Variants in ERBB4 observed in about 807,000 individuals in gnomAD.
ERBB4 encodes the protein receptor tyrosine-protein kinase erbB-4.
A neutral mutation model predicts 158.0 loss-of-function variants in ERBB4; 42 were observed. The ratio of observed to expected loss-of-function variants is 0.27; its 90% CI spans 0.21 to 0.34. ERBB4 has a LOEUF of 0.34. ERBB4 is among the 10% of genes least tolerant of loss of function. The pLI is 1.00. For missense variants in ERBB4, 1,333 were observed against 1,624.1 expected (o/e 0.82, Z 3.08); for synonymous variants, 583 against 558.7 (o/e 1.04, Z -0.61).
At chr2:211,575,740 T>C (rs1297705480) in intron 19 of ERBB4, among the ~76,000 whole-genome samples, 1 of 152,164 alleles carries the variant, frequency 6.6e-6, no homozygotes, top group Non-Finnish European at 1.5e-5. Flanking sequence ...TAATAAACTA[T>C]ATCAAACATA....
At chr2:212,198,731 CCCT>C (rs1559725011) in intron 1 of ERBB4, among the ~76,000 whole-genome samples, 1 of 124,564 alleles carries the variant, frequency 8.0e-6, no homozygotes, top group Admixed American at 8.0e-5. Context: ...TATCACCACG[CCCT>C]TTTTTTTTTT....
intron 1 of ERBB4, among the ~76,000 whole-genome samples, chr2:212,380,568 ATTTAT>A (rs2090470673): frequency 6.6e-6 from 1 of 150,800 alleles, no homozygotes; most frequent in Non-Finnish European, 1.5e-5. Flanking sequence ...AATGCAGCTC[ATTTAT>A]TTTAAGATAG....
intron 1 of ERBB4, among the ~76,000 whole-genome samples, chr2:212,240,624 C>T (rs1340349311): frequency 5.1e-5 from 4 of 78,486 alleles, no homozygotes; most frequent in Non-Finnish European, 7.2e-5. Context: ...GGCAACAGAG[C>T]GACACTCTGG....
chr2:212,015,113 A>T lies in ERBB4; in HGVS notation c.235-67497T>A, dbSNP rs9678204. On this transcript the variant is annotated intron_variant, in intron 2 of 27. Transcript: ENST00000342788. ...ATATATATATATATATATATATATA[A>T]AAATTAGCCGGGCATGGTGGCGGGT... Among the ~76,000 whole-genome samples the T allele has an allele frequency of 2.5e-3, 201 of 80,736 alleles. 2 individuals are homozygous for T. Among genetic ancestry groups the T allele is most frequent in the African/African-American group, 5.7e-3 (123 of 21,502 alleles). The allele number at this position is 80,736 out of a possible 152,430, so 53.0% of individuals were successfully genotyped here.
chr2:211,571,578 CTATAA>C (rs769916462), intron 19 of ERBB4, among the ~76,000 whole-genome samples: 2 of 152,080 alleles, frequency 1.3e-5, no homozygotes, highest in Admixed American at 6.6e-5. Context: ...ATAAGCTTAT[CTATAA>C]TATAACTATA....
chr2:211,592,015 C>T (rs1322891803), intron 19 of ERBB4, among the ~76,000 whole-genome samples: 1 of 152,108 alleles, frequency 6.6e-6, no homozygotes, highest in East Asian at 1.9e-4. Flanking sequence ...GCCCCGAAGA[C>T]GGGGCTAGAT....
At chr2:212,365,340 T>C (rs1449269007) in intron 1 of ERBB4, among the ~76,000 whole-genome samples, 7 of 151,808 alleles carry the variant, frequency 4.6e-5, no homozygotes, top group African/African-American at 1.2e-4. Context: ...TATATCCCCA[T>C]TTAGAAGAAA....
chr2:211,883,827 G>T (rs1056575473), intron 3 of ERBB4, among the ~76,000 whole-genome samples: 31 of 152,066 alleles, frequency 2.0e-4, no homozygotes, highest in Non-Finnish European at 2.2e-4. Context: ...GTTACTCTTT[G>T]AAAAGTTGGA....
chr2:211,664,801 T>A (rs982113587), intron 15 of ERBB4, among the ~76,000 whole-genome samples: 3 of 152,222 alleles, frequency 2.0e-5, no homozygotes, highest in Admixed American at 1.3e-4. Flanking sequence ...AATGTACTCA[T>A]TTTTTAAATA....
chr2:211,634,358 A>G (rs1425916099), intron 16 of ERBB4, among the ~76,000 whole-genome samples: 1 of 152,154 alleles, frequency 6.6e-6, no homozygotes, highest in East Asian at 1.9e-4. Context: ...TGTCTGAGAC[A>G]TTTGATTACT....
chr2:211,804,276 T>C (rs1426023145), intron 3 of ERBB4, among the ~76,000 whole-genome samples: 1 of 152,162 alleles, frequency 6.6e-6, no homozygotes, highest in Non-Finnish European at 1.5e-5. Context: ...AGGAAGCAAA[T>C]GTACAAAAAG....
At chr2:212,164,851 C>A (rs531674211) in intron 1 of ERBB4, among the ~76,000 whole-genome samples, 27 of 152,020 alleles carry the variant, frequency 1.8e-4, no homozygotes, top group African/African-American at 6.5e-4. Flanking sequence ...GAATAAAGAA[C>A]CTGCATCCAT....
intron 20 of ERBB4, among the ~76,000 whole-genome samples, chr2:211,434,066 G>T (rs947726268): frequency 6.6e-6 from 1 of 152,168 alleles, no homozygotes; most frequent in Admixed American, 6.5e-5. Context: ...TGAAGAAAGA[G>T]AATACACTGA....
intron 3 of ERBB4, among the ~76,000 whole-genome samples, chr2:211,839,433 A>G (rs1161303651): frequency 6.6e-6 from 1 of 152,102 alleles, no homozygotes; most frequent in Non-Finnish European, 1.5e-5. Context: ...AAACTGTATT[A>G]TAAGCATTAA....
chr2:212,395,884 T>C (rs931809214), intron 1 of ERBB4, among the ~76,000 whole-genome samples: 2 of 152,116 alleles, frequency 1.3e-5, no homozygotes, highest in Non-Finnish European at 2.9e-5. Flanking sequence ...CCCAAAGTGA[T>C]GGGATTACAG....
chr2:211,904,397 T>G (rs1291644979), intron 3 of ERBB4, among the ~76,000 whole-genome samples: 1 of 152,138 alleles, frequency 6.6e-6, no homozygotes, highest in Non-Finnish European at 1.5e-5. Context: ...GGACCCATAT[T>G]CAGGCTGAAA....
chr2:212,235,320 G>A (rs1231437264), intron 1 of ERBB4, among the ~76,000 whole-genome samples: 1 of 152,088 alleles, frequency 6.6e-6, no homozygotes, highest in Admixed American at 6.5e-5. Flanking sequence ...CCTATGTTCT[G>A]TTCCATTCAT....
At chr2:211,868,788 T>C (rs2078271080) in intron 3 of ERBB4, among the ~76,000 whole-genome samples, 1 of 152,178 alleles carries the variant, frequency 6.6e-6, no homozygotes, top group African/African-American at 2.4e-5. Context: ...GTGTCATGGT[T>C]CTTGTCTTTC....
chr2:212,069,510 A>T (rs900407590), intron 2 of ERBB4, among the ~76,000 whole-genome samples: 2 of 152,080 alleles, frequency 1.3e-5, no homozygotes, highest in African/African-American at 2.4e-5. Context: ...GGAACAAGGC[A>T]AATACGTTTA....
Sources: gnomAD v4.1 joint callset for allele counts (sites outside exome capture counted in the v4.1 genomes callset) on GRCh38, gnomAD v4.1.1 for gene constraint, MANE v1.5 for transcripts, NCBI Gene and HGNC (gene_info 2026-07-23, HGNC 2026-07-21) for gene names.